LINGO2: variants seen among roughly 807,000 people sequenced by gnomAD.
LINGO2 encodes leucine rich repeat and Ig domain containing 2.
LINGO2 carries 14 observed loss-of-function variants against 30.6 expected under a neutral mutation model. That is an observed-to-expected ratio of 0.46 (90% CI 0.30 to 0.72). LINGO2 has a LOEUF of 0.72. Among genes scored for constraint, LINGO2 ranks in the 30% least tolerant of loss-of-function variants. The pLI is 0.07. For missense variants in LINGO2, 729 were observed against 751.7 expected (o/e 0.97, Z 0.35); for synonymous variants, 317 against 288.5 (o/e 1.10, Z -1.00).
At chr9:28,985,540 T>C in the LINGO2 span, among the ~76,000 whole-genome samples, 17 of 152,138 alleles carry the variant, frequency 1.1e-4, no homozygotes, top group African/African-American at 4.1e-4. Context: ...TCCTTCATCT[T>C]TTTGATAACA....
At chr9:28,030,486 A>G (rs548819113) in intron 4 of LINGO2, among the ~76,000 whole-genome samples, 4 of 152,338 alleles carry the variant, frequency 2.6e-5, no homozygotes, top group African/African-American at 9.6e-5. Flanking sequence ...TAAAAGGTCC[A>G]GAGACACTTC....
intron 4 of LINGO2, among the ~76,000 whole-genome samples, chr9:28,103,191 G>A (rs1204786163): frequency 6.6e-6 from 1 of 152,158 alleles, no homozygotes; most frequent in Non-Finnish European, 1.5e-5. Context: ...TGTAGCTTGA[G>A]ATTCTTTGAA....
chr9:28,912,936 T>C, the LINGO2 span, among the ~76,000 whole-genome samples: 1 of 152,254 alleles, frequency 6.6e-6, no homozygotes, highest in Admixed American at 6.5e-5. Flanking sequence ...GTGTGTGACT[T>C]TTAATTGTTG....
At chr9:28,109,183 T>A (rs1448067652) in intron 4 of LINGO2, among the ~76,000 whole-genome samples, 1 of 152,020 alleles carries the variant, frequency 6.6e-6, no homozygotes, top group African/African-American at 2.4e-5. Context: ...ACTCCTTCAA[T>A]AAAATTCAAC....
intron 3 of LINGO2, 114 bp from the exon 6 acceptor site, chr9:28,295,480 A>G (rs1823890019): frequency 6.6e-6 from 1 of 152,594 alleles, no homozygotes; most frequent in South Asian, 2.1e-4. Flanking sequence ...TGTGTGAGGG[A>G]CTATAAATGC....
chr9:28,269,026 C>A (rs1822850282), intron 4 of LINGO2, among the ~76,000 whole-genome samples: 1 of 152,058 alleles, frequency 6.6e-6, no homozygotes, highest in African/African-American at 2.4e-5. Context: ...TCCCTCTCTG[C>A]ACATGCATAA....
chr9:28,691,051 C>T, the LINGO2 span, among the ~76,000 whole-genome samples: 1 of 152,310 alleles, frequency 6.6e-6, no homozygotes, highest in African/African-American at 2.4e-5. Flanking sequence ...TCAACATCTG[C>T]TACACTCTTT....
intron 4 of LINGO2, among the ~76,000 whole-genome samples, chr9:28,181,709 A>C (rs528145761): frequency 2.0e-5 from 3 of 152,298 alleles, no homozygotes; most frequent in South Asian, 4.1e-4. Context: ...AGCAGGGTTC[A>C]TTCTCTTGTG....
intron 4 of LINGO2, among the ~76,000 whole-genome samples, chr9:28,231,579 T>C (rs1363469521): frequency 6.6e-6 from 1 of 152,148 alleles, no homozygotes; most frequent in Non-Finnish European, 1.5e-5. Context: ...GGAACAAGCA[T>C]GAGATATTAC....
intron 3 of LINGO2, among the ~76,000 whole-genome samples, chr9:28,343,419 T>C (rs950220023): frequency 1.3e-5 from 2 of 152,182 alleles, no homozygotes; most frequent in African/African-American, 2.4e-5. Context: ...CTATTCTGTA[T>C]TGAAATTAGT....
the LINGO2 span, among the ~76,000 whole-genome samples, chr9:29,187,356 A>C: frequency 6.6e-6 from 1 of 152,192 alleles, no homozygotes; most frequent in Non-Finnish European, 1.5e-5. Context: ...ACAAGAATAC[A>C]ATTTAACCTG....
intron 4 of LINGO2, among the ~76,000 whole-genome samples, chr9:28,079,841 TATAAC>T (rs557950352): frequency 6.6e-6 from 1 of 152,222 alleles, no homozygotes; most frequent in Non-Finnish European, 1.5e-5. Flanking sequence ...TCACATCAAA[TATAAC>T]ATAACTCCAA....
At chr9:28,285,890 C>G (rs1336876671) in intron 4 of LINGO2, among the ~76,000 whole-genome samples, 2 of 152,102 alleles carry the variant, frequency 1.3e-5, no homozygotes, top group Middle Eastern at 3.2e-3. Flanking sequence ...TACCCAACAG[C>G]CAGAAAATGG....
chr9:28,186,164 TG>T lies in LINGO2; in HGVS notation c.-87+109043del, dbSNP rs148615794. 1.8e-4 allele frequency among the ~76,000 whole-genome samples: 27 copies of T among 152,330 alleles called. No homozygotes were observed. The East Asian group carries it at 2.3e-3, about 13-fold the overall frequency. ...TTGCCTTTTGGTACAATTTGACTTT[TG>T]ACATTAACCTCATCCTATAGGGGGA... is the stretch of plus-strand genomic sequence containing the variant. On this transcript the variant is annotated intron_variant, in intron 4 of 5. Coordinates refer to ENST00000379992, the Ensembl canonical transcript of LINGO2.
At chr9:27,982,365 T>C (rs1325084481) in intron 5 of LINGO2, among the ~76,000 whole-genome samples, 2 of 151,808 alleles carry the variant, frequency 1.3e-5, no homozygotes, top group Non-Finnish European at 2.9e-5. Context: ...ATCTGTGAGA[T>C]TTCCAAAAAT....
At chr9:28,241,489 G>A (rs1821798099) in intron 4 of LINGO2, among the ~76,000 whole-genome samples, 1 of 152,008 alleles carries the variant, frequency 6.6e-6, no homozygotes, top group Non-Finnish European at 1.5e-5. Context: ...AGGGCAGTGT[G>A]GTGCAGCCGC....
the LINGO2 span, among the ~76,000 whole-genome samples, chr9:28,888,452 C>G: frequency 6.6e-6 from 1 of 152,060 alleles, no homozygotes; most frequent in Admixed American, 6.6e-5. Context: ...AGATAACAAT[C>G]TCAACATTTA....
intron 3 of LINGO2, among the ~76,000 whole-genome samples, chr9:28,297,067 A>C (rs1031040322): frequency 2.6e-5 from 4 of 152,188 alleles, no homozygotes; most frequent in African/African-American, 9.6e-5. Context: ...ATGACAGGGA[A>C]GAGTTTATAA....
chr9:28,374,972 A>G (rs1821062658), intron 2 of LINGO2, among the ~76,000 whole-genome samples: 1 of 151,918 alleles, frequency 6.6e-6, no homozygotes, highest in Admixed American at 6.6e-5. Context: ...TTAGAGGACG[A>G]CCCTCTTGTA....
Sources: gnomAD v4.1 joint callset for allele counts (sites outside exome capture counted in the v4.1 genomes callset) on GRCh38, gnomAD v4.1.1 for gene constraint, MANE v1.5 for transcripts, NCBI Gene and HGNC (gene_info 2026-07-23, HGNC 2026-07-21) for gene names.